CELF2: variants seen among roughly 807,000 people sequenced by gnomAD.
CELF2 encodes the protein CUGBP Elav-like family member 2.
In CELF2, 8 loss-of-function variants were observed where a neutral mutation model predicts 62.6. The observed-to-expected ratio is 0.13, with a 90% CI of 0.07 to 0.23. The LOEUF is 0.23. Among genes scored for constraint, CELF2 ranks in the 10% least tolerant of loss-of-function variants. The probability of loss-of-function intolerance (pLI) is 1.00; values close to 1 mark genes in which losing one functional copy is unlikely to be tolerated. For synonymous variants in CELF2, 258 were observed against 250.0 expected (o/e 1.03, Z -0.30); for missense variants, 333 against 671.0 (o/e 0.50, Z 5.56).
chr10:10,496,104 C>T, the CELF2 span, among the ~76,000 whole-genome samples: 1 of 152,186 alleles, frequency 6.6e-6, no homozygotes, highest in Non-Finnish European at 1.5e-5. Context: ...CATTTGACAG[C>T]TAAGGAAACT....
At chr10:11,200,551 G>T (rs2058990300) in intron 2 of CELF2, among the ~76,000 whole-genome samples, 1 of 152,230 alleles carries the variant, frequency 6.6e-6, no homozygotes, top group South Asian at 2.1e-4. Flanking sequence ...GGTACCAAGA[G>T]GACTTAAATG....
intron 1 of CELF2, among the ~76,000 whole-genome samples, chr10:11,153,303 A>G (rs1018095908): frequency 3.9e-5 from 6 of 152,124 alleles, no homozygotes; most frequent in Admixed American, 6.5e-5. Flanking sequence ...TAGGCTTATT[A>G]TTTGAAGCAC....
chr10:11,059,882 A>C (rs1224852566), intron 1 of CELF2, among the ~76,000 whole-genome samples: 1 of 152,216 alleles, frequency 6.6e-6, no homozygotes, highest in East Asian at 1.9e-4. Flanking sequence ...AAATTGCTGG[A>C]GTTTATCTGA....
At chr10:11,158,317 C>T (rs1039773992) in intron 1 of CELF2, among the ~76,000 whole-genome samples, 1 of 152,262 alleles carries the variant, frequency 6.6e-6, no homozygotes, top group South Asian at 2.1e-4. Flanking sequence ...CTGAGCTCAG[C>T]CGCAGGAGAG....
At chr10:10,948,583 T>C (rs1376228804) in intron 2 of CELF2, among the ~76,000 whole-genome samples, 3 of 152,138 alleles carry the variant, frequency 2.0e-5, no homozygotes, top group Non-Finnish European at 4.4e-5. Context: ...TTTCTGAACA[T>C]TTCAGGAGGC....
chr10:11,062,112 G>A (rs1038463799), intron 1 of CELF2, among the ~76,000 whole-genome samples: 3 of 152,160 alleles, frequency 2.0e-5, no homozygotes, highest in Non-Finnish European at 2.9e-5. Flanking sequence ...CCAGTTTACC[G>A]AATTTTTTAT....
At position 11,280,982 on chromosome 10, in the gene CELF2, C is replaced by CTGTGTGTGTGTGTG. The variant is rs541295992; in HGVS notation, c.841+5868_841+5869insTGTGTGTGTGTGTG. 6.7e-5 allele frequency among the ~76,000 whole-genome samples: 8 copies of CTGTGTGTGTGTGTG among 119,776 alleles called. No homozygotes were observed. Among genetic ancestry groups the CTGTGTGTGTGTGTG allele is most frequent in the Admixed American group, 1.6e-4 (2 of 12,168 alleles). 78.6% of individuals were successfully genotyped at this position (119,776 alleles called of 152,430 possible). A position where few individuals can be genotyped will look rare whatever the true frequency, so the allele number is the denominator to read the frequency against. On this transcript the variant is annotated intron_variant, in intron 8 of 12. Transcript: ENST00000633077. The surrounding 1 kb of genome is among the most constrained non-coding windows in gnomAD (Gnocchi z 7.6). ...CTGATGCTGGCGTGCGTGTGCATGC[C>CTGTGTGTGTGTGTG]TGTGTGCGTGTGTGTGTGTGTGTGT...
chr10:10,507,201 C>T, the CELF2 span, among the ~76,000 whole-genome samples: 2 of 152,042 alleles, frequency 1.3e-5, no homozygotes, highest in Non-Finnish European at 2.9e-5. Flanking sequence ...GCCAGTTTTA[C>T]TGAAAAACTG....
rs1185781839 is a variant in CELF2, at chr10:11,165,416, C to A, written c.75-70C>A. 6.4e-7 allele frequency: 1 copy of A among 1,553,398 alleles called. No homozygotes were observed. Among genetic ancestry groups the A allele is most frequent in the African/African-American group, 1.4e-5 (1 of 72,704 alleles). ...TCCTTCCGCCTCCCCGCTCCCCCAC[C>A]CCCACTATTTTTTCTTCCTGTCCCT... is the stretch of plus-strand genomic sequence containing the variant. On this transcript the variant is annotated intron_variant, in intron 1 of 12. Coordinates refer to ENST00000633077, the MANE Select transcript of CELF2 (RefSeq NM_001326342.2). The surrounding 1 kb of genome is among the most constrained non-coding windows in gnomAD (Gnocchi z 7.4).
chr10:10,505,956 C>T, the CELF2 span, among the ~76,000 whole-genome samples: 1 of 152,142 alleles, frequency 6.6e-6, no homozygotes, highest in African/African-American at 2.4e-5. Flanking sequence ...ACCTTCTTTC[C>T]ACCTTTCAAA....
intron 4 of CELF2, among the ~76,000 whole-genome samples, chr10:11,250,551 T>C (rs1006629620): frequency 2.0e-5 from 3 of 152,346 alleles, no homozygotes; most frequent in Admixed American, 2.0e-4. Flanking sequence ...AGTCAGCAGT[T>C]GTTCATCAGT....
the CELF2 span, among the ~76,000 whole-genome samples, chr10:10,533,762 A>G: frequency 6.6e-6 from 1 of 152,258 alleles, no homozygotes; most frequent in Non-Finnish European, 1.5e-5. Flanking sequence ...AGGTCAAAGT[A>G]TGTTGAATCT....
At chr10:10,544,902 C>A in the CELF2 span, among the ~76,000 whole-genome samples, 1 of 152,170 alleles carries the variant, frequency 6.6e-6, no homozygotes, top group African/African-American at 2.4e-5. Context: ...AAAATAAACT[C>A]AGTAGTCTTT....
intron 1 of CELF2, among the ~76,000 whole-genome samples, chr10:11,130,887 A>C (rs1363298151): frequency 6.6e-6 from 1 of 152,230 alleles, no homozygotes; most frequent in African/African-American, 2.4e-5. Flanking sequence ...CTAGATGAGG[A>C]GAAAGCCAGT....
the CELF2 span, among the ~76,000 whole-genome samples, chr10:10,508,660 ATGTGTGTGTGTGTGTGTGTGTGTGTG>A: frequency 7.1e-6 from 1 of 140,800 alleles, no homozygotes; most frequent in African/African-American, 2.7e-5. Context: ...TCTTAAACAG[ATGTGTGTGTGTGTGTGTGTGTGTGTG>A]TGTGTGTGTG....
chr10:11,166,553 G>A (rs1001083272), intron 2 of CELF2, among the ~76,000 whole-genome samples: 4 of 152,182 alleles, frequency 2.6e-5, no homozygotes, highest in African/African-American at 4.8e-5. Context: ...TTTTGCTTTA[G>A]TAATTTTTTC....
At position 11,328,869 on chromosome 10, in the gene CELF2, TTC is replaced by T; in HGVS notation, c.1439-55_1439-54del. 6.4e-7 allele frequency: 1 copy of T among 1,563,842 alleles called. No homozygotes were observed. The highest frequency in any genetic ancestry group is 8.7e-7 in the Non-Finnish European group (1 of 1,150,738). On this transcript the variant is annotated intron_variant, in intron 12 of 12. Transcript: ENST00000633077. This position sits in a 1 kb window ranked among gnomAD's most constrained non-coding sequence, Gnocchi z 6.4. Reference sequence around the variant, plus strand: ...CCTTCCCCAGAGCTCCAGCCCCCTTTTCTGTTTTCTGCTGGGCTTCCTCTCCA... The same window carrying T: ...CCTTCCCCAGAGCTCCAGCCCCCTTTTGTTTTCTGCTGGGCTTCCTCTCCA...
chr10:10,654,529 T>A, the CELF2 span, among the ~76,000 whole-genome samples: 1 of 104,454 alleles, frequency 9.6e-6, no homozygotes, highest in Non-Finnish European at 2.0e-5. Flanking sequence ...CATGATCAAG[T>A]GGGCTTCATC....
In CELF2 at chr10:11,316,522, G is replaced by A. The variant is rs943637989; in HGVS notation, c.1096+2264G>A. On this transcript the variant is annotated intron_variant, in intron 10 of 12. Coordinates refer to ENST00000633077, the MANE Select transcript of CELF2 (RefSeq NM_001326342.2). The surrounding 1 kb of genome is among the most constrained non-coding windows in gnomAD (Gnocchi z 4.4). ...AGATGATTATGCTACCAGTTCCACTGGATAATTCCTAAAGAAATTCGTCAA... is the reference window on the plus strand; with the variant it reads ...AGATGATTATGCTACCAGTTCCACTAGATAATTCCTAAAGAAATTCGTCAA... 3.3e-5 allele frequency among the ~76,000 whole-genome samples: 5 copies of A among 152,156 alleles called. No homozygotes were observed. Among genetic ancestry groups the A allele is most frequent in the African/African-American group, 1.2e-4 (5 of 41,436 alleles).
Sources: gnomAD v4.1 joint callset for allele counts (sites outside exome capture counted in the v4.1 genomes callset) on GRCh38, gnomAD v4.1.1 for gene constraint, Gnocchi (gnomAD v3.1) non-coding constraint, MANE v1.5 for transcripts, NCBI Gene and HGNC (gene_info 2026-07-23, HGNC 2026-07-21) for gene names.